Variants in PRR16 observed in about 807,000 individuals in gnomAD.
PRR16 encodes proline rich 16.
Under a neutral mutation model 18.2 loss-of-function variants are expected in PRR16, and 6 were observed. The ratio of observed to expected loss-of-function variants is 0.33; its 90% CI spans 0.18 to 0.65. The LOEUF (loss-of-function observed/expected upper bound fraction) is 0.65. Among genes scored for constraint, PRR16 ranks in the 30% least tolerant of loss-of-function variants. PRR16 has a pLI of 0.74. For synonymous variants in PRR16, 151 were observed against 147.8 expected (o/e 1.02, Z -0.16); for missense variants, 412 against 376.6 (o/e 1.09, Z -0.78).
At chr5:120,689,490 T>C (rs1757185315), downstream of PRR16, among the ~76,000 whole-genome samples, 1 of 152,148 alleles carries the variant, frequency 6.6e-6, no homozygotes, top group Non-Finnish European at 1.5e-5. Flanking sequence ...TATTTCCTCT[T>C]CCTAAAGACC....
the PRR16 span, among the ~76,000 whole-genome samples, chr5:120,775,451 C>T: frequency 2.0e-5 from 3 of 152,052 alleles, no homozygotes; most frequent in Non-Finnish European, 4.4e-5. Flanking sequence ...TCCACCCCCT[C>T]GTCTCTACCC....
At chr5:120,708,978 CTTTTTTTTTTTTTTTTTTTTTTTTTTT>C in the PRR16 span, among the ~76,000 whole-genome samples, 7 of 43,688 alleles carry the variant, frequency 1.6e-4, no homozygotes, top group African/African-American at 3.8e-4. Flanking sequence ...CTCTTTGGTA[CTTTTTTTTTTTTTTTTTTTTTTTTTTT>C]TTTTTTTTTT....
At chr5:120,732,467 AT>A in the PRR16 span, among the ~76,000 whole-genome samples, 8 of 152,024 alleles carry the variant, frequency 5.3e-5, no homozygotes, top group Admixed American at 4.6e-4. Flanking sequence ...CTATCACTTG[AT>A]TTTTTTCCCT....
the PRR16 span, among the ~76,000 whole-genome samples, chr5:120,771,049 ACATT>A: frequency 7.0e-4 from 107 of 151,890 alleles, 1 homozygote; most frequent in East Asian, 0.019. Context: ...AGATAATATA[ACATT>A]CATTTATTCA....
intron 1 of PRR16, among the ~76,000 whole-genome samples, chr5:120,489,886 T>G (rs1300203506): frequency 2.0e-5 from 3 of 152,182 alleles, no homozygotes; most frequent in African/African-American, 4.8e-5. Flanking sequence ...GTCTGTAAAG[T>G]ATTTTATTTC....
chr5:120,751,809 T>A, the PRR16 span, among the ~76,000 whole-genome samples: 1 of 152,120 alleles, frequency 6.6e-6, no homozygotes, highest in African/African-American at 2.4e-5. Flanking sequence ...TGGGTGGAAG[T>A]ACTTTAGTGT....
chr5:120,485,752 A>T (rs952340718), intron 1 of PRR16, among the ~76,000 whole-genome samples: 14 of 152,152 alleles, frequency 9.2e-5, no homozygotes, highest in Admixed American at 7.9e-4. Flanking sequence ...GCACCCATCA[A>T]CCCGTCATCT....
intron 1 of PRR16, among the ~76,000 whole-genome samples, chr5:120,659,648 T>G (rs1335112380): frequency 6.6e-6 from 1 of 152,062 alleles, no homozygotes; most frequent in African/African-American, 2.4e-5. Context: ...ACATAGCTTT[T>G]TCTTTCATCT....
At chr5:120,465,203 G>T (rs2112791060) in intron 1 of PRR16, among the ~76,000 whole-genome samples, 1 of 152,322 alleles carries the variant, frequency 6.6e-6, no homozygotes, top group Middle Eastern at 3.4e-3. Flanking sequence ...CGGGCTGCTG[G>T]CAGCCTTGGG....
intron 1 of PRR16, among the ~76,000 whole-genome samples, chr5:120,504,826 C>G (rs1203596795): frequency 6.6e-6 from 1 of 152,082 alleles, no homozygotes; most frequent in Non-Finnish European, 1.5e-5. Flanking sequence ...GAGTCGCATA[C>G]CCTGGGATTA....
At chr5:120,777,489 C>A in the PRR16 span, among the ~76,000 whole-genome samples, 1 of 152,014 alleles carries the variant, frequency 6.6e-6, no homozygotes, top group Non-Finnish European at 1.5e-5. Context: ...TGAATAAGTT[C>A]CCCACCTGCT....
At chr5:120,754,088 T>C in the PRR16 span, among the ~76,000 whole-genome samples, 79 of 119,430 alleles carry the variant, frequency 6.6e-4, 1 homozygote, top group Non-Finnish European at 1.2e-3. Flanking sequence ...TTTGCTTATG[T>C]TTTAGTTATA....
At chr5:120,755,531 C>G in the PRR16 span, among the ~76,000 whole-genome samples, 7 of 152,088 alleles carry the variant, frequency 4.6e-5, no homozygotes, top group Non-Finnish European at 5.9e-5. Context: ...TGATCTCTAG[C>G]TGTGTCCATG....
intron 1 of PRR16, among the ~76,000 whole-genome samples, chr5:120,668,100 T>G (rs1361881708): frequency 2.6e-5 from 4 of 152,120 alleles, no homozygotes; most frequent in African/African-American, 9.7e-5. Context: ...AGTCTCTTTG[T>G]AGGTCACTCA....
At chr5:120,754,496 ATTT>A in the PRR16 span, among the ~76,000 whole-genome samples, 2 of 65,574 alleles carry the variant, frequency 3.0e-5, no homozygotes, top group Non-Finnish European at 5.3e-5. Flanking sequence ...TATAGTATGT[ATTT>A]TATTATGTAT....
downstream of PRR16, among the ~76,000 whole-genome samples, chr5:120,687,981 A>C (rs1757167175): frequency 6.6e-6 from 1 of 152,216 alleles, no homozygotes; most frequent in South Asian, 2.1e-4. Context: ...CCTGAAAACA[A>C]AATTGGTTCA....
intron 1 of PRR16, among the ~76,000 whole-genome samples, chr5:120,612,272 T>C (rs1379568740): frequency 6.6e-6 from 1 of 152,162 alleles, no homozygotes; most frequent in Non-Finnish European, 1.5e-5. Context: ...CTGTGGACTT[T>C]TGGGTTAATG....
chr5:120,759,145 T>G, the PRR16 span, among the ~76,000 whole-genome samples: 1 of 151,774 alleles, frequency 6.6e-6, no homozygotes, highest in Non-Finnish European at 1.5e-5. Flanking sequence ...CCTGGCTAAT[T>G]TTTTGTATTT....
chr5:120,775,612 C>A, the PRR16 span, among the ~76,000 whole-genome samples: 1 of 149,960 alleles, frequency 6.7e-6, no homozygotes, highest in Non-Finnish European at 1.5e-5. Context: ...ACATCTTTTC[C>A]TTTTCTCTTT....
Sources: gnomAD v4.1 joint callset for allele counts (sites outside exome capture counted in the v4.1 genomes callset) on GRCh38, gnomAD v4.1.1 for gene constraint, MANE v1.5 for transcripts, NCBI Gene and HGNC (gene_info 2026-07-23, HGNC 2026-07-21) for gene names.